CDC42BPA: variants seen among roughly 807,000 people sequenced by gnomAD.
The protein encoded by CDC42BPA is serine/threonine-protein kinase MRCK alpha.
A neutral mutation model predicts 223.5 loss-of-function variants in CDC42BPA; 80 were observed. The observed-to-expected ratio is 0.36, with a 90% CI of 0.30 to 0.43. The LOEUF is 0.43. Among genes scored for constraint, CDC42BPA ranks in the 20% least tolerant of loss-of-function variants. The pLI, the probability that CDC42BPA is intolerant of heterozygous loss-of-function variation, is 1.00. For missense variants in CDC42BPA, 1,743 were observed against 2,099.9 expected, an observed-to-expected ratio of 0.83 and a Z score of 3.32; for synonymous variants, 694 against 718.6, an observed-to-expected ratio of 0.97 and a Z score of 0.55.
At chr1:227,084,364 C>A (rs561668575) in intron 16 of CDC42BPA, among the ~76,000 whole-genome samples, 3 of 151,830 alleles carry the variant, frequency 2.0e-5, no homozygotes, top group South Asian at 4.2e-4. Context: ...CCCATCTCTA[C>A]TAAAAATAAA....
At chr1:227,104,002 T>C (rs1203321971) in intron 14 of CDC42BPA, among the ~76,000 whole-genome samples, 1 of 152,090 alleles carries the variant, frequency 6.6e-6, no homozygotes, top group African/African-American at 2.4e-5. Context: ...ACATGATAAA[T>C]TGGTTAAATA....
Position 227,034,521 on chromosome 1 carries a change from T to G in CDC42BPA, c.3476+134A>C, listed in dbSNP as rs1013280418. 7.7e-6 allele frequency: 6 copies of G among 782,702 alleles called. No homozygotes were observed. In the Admixed American group the frequency reaches 8.8e-5, roughly 11 times the overall value. The allele number at this position is 782,702 out of a possible 1,614,324, so 48.5% of individuals were successfully genotyped here. The stretch of plus-strand genomic sequence containing the variant: ...CTTCCTATTTTCAATTCTGTTTCTA[T>G]AGCAATATTAGCAAATTAGAAAATA... On this transcript the variant is annotated intron_variant, in intron 26 of 36. Transcript: ENST00000366766.
chr1:227,139,763 T>G (rs775092220), intron 9 of CDC42BPA, 21 bp from the exon 10 acceptor site: 1 of 1,467,754 alleles, frequency 6.8e-7, no homozygotes, highest in Non-Finnish European at 9.1e-7. Flanking sequence ...GAAAAAAAAA[T>G]GTAGGTTCAT....
At chr1:227,136,060 GA>G (rs1487700057) in intron 10 of CDC42BPA, among the ~76,000 whole-genome samples, 1 of 146,010 alleles carries the variant, frequency 6.8e-6, no homozygotes, top group Admixed American at 6.7e-5. Flanking sequence ...ACAAATGAAA[GA>G]AAAAAACAGA....
chr1:227,162,905 T>C (rs1558648212), intron 5 of CDC42BPA, among the ~76,000 whole-genome samples: 1 of 142,236 alleles, frequency 7.0e-6, no homozygotes, highest in South Asian at 2.2e-4. Context: ...CATATATGTG[T>C]GTGTATATGT....
chr1:227,072,334 A>G lies in CDC42BPA; in HGVS notation c.2736-35T>C, dbSNP rs774079212. The G allele has an allele frequency of 1.9e-5, 24 of 1,270,444 alleles. No homozygotes were observed. The Admixed American group carries it at 3.7e-4, about 19-fold the overall frequency. The allele number at this position is 1,270,444 out of a possible 1,614,324, so 78.7% of individuals were successfully genotyped here. Reference sequence around the variant, plus strand: ...GGAGAAAAAAGGAAAAATGTCATTAATTTTTATTGCTGGTTAGTGAGCCAT... The same window carrying G: ...GGAGAAAAAAGGAAAAATGTCATTAGTTTTTATTGCTGGTTAGTGAGCCAT... On this transcript the variant is annotated intron_variant, in intron 19 of 36. Transcript: ENST00000366766.
intron 34 of CDC42BPA, among the ~76,000 whole-genome samples, chr1:227,013,944 A>G (rs927505733): frequency 1.3e-5 from 2 of 152,194 alleles, no homozygotes; most frequent in African/African-American, 2.4e-5. Flanking sequence ...CTTATCAAAT[A>G]TAAGTCATAA....
intron 21 of CDC42BPA, among the ~76,000 whole-genome samples, chr1:227,065,471 A>G (rs947394061): frequency 1.3e-5 from 2 of 152,210 alleles, no homozygotes; most frequent in Non-Finnish European, 2.9e-5. Flanking sequence ...GGTATTACAT[A>G]TATTTCTTCT....
chr1:227,031,318 G>A lies in CDC42BPA; in HGVS notation c.3755C>T (p.Thr1252Ile), dbSNP rs781011415. ...YDSTLPLIKT[T>I]QAAAIIDHER... is the part of the protein sequence containing the mutation. ...CATACCTATGATTGCGGCTGCCTGG[G>A]TTGTTTTAATGAGGGGTAGAGTGCT... The change falls in exon 28 of 37, where the codon ACC becomes ATC. Residue 1252 changes from threonine (T) to isoleucine (I), a missense_variant. Thr to Ile is a moderately conservative substitution (Grantham distance 89, BLOSUM62 -1). Around this residue, in one of 6 missense-constraint regions of CDC42BPA, gnomAD observed 678 missense variants for 777.5 expected, o/e 0.87. Coordinates refer to ENST00000366766, the MANE Select transcript of CDC42BPA (RefSeq NM_001394014.1). 1 of 1,613,400 alleles carries A rather than the reference G, an allele frequency of 6.2e-7. No homozygotes were observed. The highest frequency in any genetic ancestry group is 8.5e-7 in the Non-Finnish European group (1 of 1,179,360).
rs775353297 is a variant in CDC42BPA at position 227,072,216 on chromosome 1, G to C, written c.2819C>G (p.Ser940Cys). The change falls in exon 20 of 37, where the codon TCT (serine) becomes TGT (cysteine). Residue 940 changes from serine to cysteine, a missense_variant. By Grantham distance (112) the Ser-to-Cys change is moderately radical (BLOSUM62 -1). Around this residue, in one of 6 missense-constraint regions of CDC42BPA, gnomAD observed 678 missense variants for 777.5 expected, o/e 0.87. Coordinates refer to ENST00000366766, the MANE Select transcript of CDC42BPA (RefSeq NM_001394014.1). ...AACACACACTCCCATACCCTTTTCA[G>C]ATCTAAGCTCTTCAGTGTCCTTTAT... is the stretch of plus-strand genomic sequence containing the variant. ...QLIKDTEELR[S>C]EKGIEHQDSQ... 2 of 1,592,068 alleles carry C rather than the reference G, an allele frequency of 1.3e-6. No individual in the cohort carries two copies. The highest frequency in any genetic ancestry group is 2.2e-5 in the East Asian group (1 of 44,616).
chr1:226,998,691 C>T lies in CDC42BPA; in HGVS notation c.4976-3711G>A, dbSNP rs147288252. Among the ~76,000 whole-genome samples the T allele has an allele frequency of 2.4e-3, 360 of 152,262 alleles. 1 individual carries two copies. Among genetic ancestry groups the T allele is most frequent in the Non-Finnish European group, 3.4e-3 (232 of 68,008 alleles). ...ACATAAGATCTAAAACCATAAAAATCCTAGAAGAAAACCTAGGCAATACCA... is the reference window on the plus strand; with the variant it reads ...ACATAAGATCTAAAACCATAAAAATTCTAGAAGAAAACCTAGGCAATACCA... On this transcript the variant is annotated intron_variant, in intron 35 of 36. Transcript: ENST00000366766.
chr1:227,021,654 ATT>A lies in CDC42BPA; in HGVS notation c.4615+1607_4615+1608del, dbSNP rs199515151. 2.0e-5 allele frequency among the ~76,000 whole-genome samples: 3 copies of A among 150,242 alleles called. No homozygotes were observed. The East Asian group carries it at 5.8e-4, about 29-fold the overall frequency. ...ATAATCACAGAAAAACTTCTGATGG[ATT>A]TTTTTTTTGATAGTAGAAAACACAA... On this transcript the variant is annotated intron_variant, in intron 32 of 36. Transcript: ENST00000366766.
At chr1:227,057,999 T>C (rs1487083673) in intron 21 of CDC42BPA, among the ~76,000 whole-genome samples, 2 of 152,230 alleles carry the variant, frequency 1.3e-5, no homozygotes, top group Non-Finnish European at 2.9e-5. Context: ...GCTGGTGATT[T>C]GACCCTAATA....
At chr1:227,058,309 C>T (rs1248227848) in intron 21 of CDC42BPA, among the ~76,000 whole-genome samples, 1 of 152,034 alleles carries the variant, frequency 6.6e-6, no homozygotes, top group Non-Finnish European at 1.5e-5. Flanking sequence ...ATTTTACAAC[C>T]AACCCTCCAA....
chr1:227,134,604 CTGCTTTTTAT>C (rs1166092681), intron 10 of CDC42BPA, among the ~76,000 whole-genome samples: 1 of 152,148 alleles, frequency 6.6e-6, no homozygotes, highest in Admixed American at 6.5e-5. Flanking sequence ...TTGCCTTTAT[CTGCTTTTTAT>C]TACATTCCTG....
chr1:227,120,848 G>C (rs1178618636), intron 11 of CDC42BPA, among the ~76,000 whole-genome samples: 1 of 152,114 alleles, frequency 6.6e-6, no homozygotes, highest in Non-Finnish European at 1.5e-5. Flanking sequence ...CAGTTTTGTG[G>C]AAGACAATTT....
chr1:227,106,934 T>C (rs1572849962), intron 14 of CDC42BPA, among the ~76,000 whole-genome samples: 1 of 152,252 alleles, frequency 6.6e-6, no homozygotes, highest in African/African-American at 2.4e-5. Flanking sequence ...TCTATCCTTA[T>C]GACAGTACCA....
At chr1:227,259,980 T>G (rs1683768135) in intron 1 of CDC42BPA, among the ~76,000 whole-genome samples, 1 of 150,344 alleles carries the variant, frequency 6.7e-6, no homozygotes, top group Non-Finnish European at 1.5e-5. Context: ...TAGCAGGCAT[T>G]ATTTTATTGG....
At chr1:227,196,357 T>TTTTTTTTG (rs1670716021) in intron 4 of CDC42BPA, among the ~76,000 whole-genome samples, 1 of 147,040 alleles carries the variant, frequency 6.8e-6, no homozygotes, top group Non-Finnish European at 1.5e-5. Context: ...TTTTTTTTTT[T>TTTTTTTTG]GAGACAGAGT....
Sources: allele counts gnomAD v4.1 joint callset (sites outside exome capture counted in the v4.1 genomes callset), GRCh38; gene constraint gnomAD v4.1.1; regional missense constraint gnomAD v4.1.1; transcripts MANE v1.5; gene names NCBI Gene and HGNC (gene_info 2026-07-23, HGNC 2026-07-21).